Variants in SUGCT observed in about 807,000 individuals in gnomAD.
SUGCT encodes the protein succinyl-CoA:glutarate CoA-transferase.
SUGCT carries 41 observed loss-of-function variants against 55.0 expected under a neutral mutation model. The observed-to-expected ratio is 0.74, with a 90% CI of 0.58 to 0.97. The LOEUF (loss-of-function observed/expected upper bound fraction) is 0.97. Ranked by LOEUF, SUGCT falls within the 50% of genes least tolerant of loss-of-function variation. The pLI is 0.00. For missense variants in SUGCT, 568 were observed against 547.8 expected, an observed-to-expected ratio of 1.04 and a Z score of -0.37; for synonymous variants, 187 against 200.4, an observed-to-expected ratio of 0.93 and a Z score of 0.56.
chr7:40,710,751 T>A (rs753797988), intron 12 of SUGCT, among the ~76,000 whole-genome samples: 5 of 152,228 alleles, frequency 3.3e-5, no homozygotes, highest in Non-Finnish European at 5.9e-5. Context: ...TACTGAAAGA[T>A]CAACCCCAGG....
chr7:40,262,481 C>T (rs13235040), intron 7 of SUGCT, among the ~76,000 whole-genome samples: 57,854 of 139,638 alleles, frequency 0.41, 12,095 homozygotes, highest in East Asian at 0.52. Flanking sequence ...AAACCCCCGT[C>T]TCTACCGAAA....
At chr7:40,391,838 T>G (rs1405078399) in intron 9 of SUGCT, among the ~76,000 whole-genome samples, 6 of 152,156 alleles carry the variant, frequency 3.9e-5, no homozygotes, top group Non-Finnish European at 5.9e-5. Flanking sequence ...TGCACACGTG[T>G]GTTTGTTGCG....
intron 7 of SUGCT, among the ~76,000 whole-genome samples, chr7:40,239,288 T>G (rs1789210341): frequency 6.6e-6 from 1 of 152,084 alleles, no homozygotes; most frequent in Admixed American, 6.6e-5. Flanking sequence ...ATTATGTTGC[T>G]CAGGCTTGTC....
chr7:40,955,266 A>G, the SUGCT span, among the ~76,000 whole-genome samples: 1 of 152,196 alleles, frequency 6.6e-6, no homozygotes, highest in Non-Finnish European at 1.5e-5. Context: ...CTTCCTATCC[A>G]TGAGCATGGA....
intron 13 of SUGCT, among the ~76,000 whole-genome samples, chr7:40,749,724 A>C (rs937400074): frequency 7.2e-5 from 11 of 152,338 alleles, no homozygotes; most frequent in African/African-American, 2.6e-4. Flanking sequence ...GATGACAAAA[A>C]AATGCTCGCA....
intron 13 of SUGCT, among the ~76,000 whole-genome samples, chr7:40,767,042 T>C (rs1415784560): frequency 6.6e-6 from 1 of 152,222 alleles, no homozygotes; most frequent in African/African-American, 2.4e-5. Flanking sequence ...AAGAAATGTT[T>C]AGATATGTAC....
At chr7:40,301,988 G>A (rs1160171802) in intron 8 of SUGCT, among the ~76,000 whole-genome samples, 1 of 152,170 alleles carries the variant, frequency 6.6e-6, no homozygotes, top group African/African-American at 2.4e-5. Context: ...GCCCTGGAAA[G>A]GGTAACATCA....
At chr7:40,686,618 G>A (rs899897374) in intron 12 of SUGCT, among the ~76,000 whole-genome samples, 23 of 151,430 alleles carry the variant, frequency 1.5e-4, no homozygotes, top group African/African-American at 5.6e-4. Context: ...CTTTTTCATT[G>A]AAGGACCCCA....
the SUGCT span, among the ~76,000 whole-genome samples, chr7:40,952,488 C>T: frequency 1.3e-5 from 2 of 152,148 alleles, no homozygotes; most frequent in African/African-American, 4.8e-5. Context: ...GAATTTGATA[C>T]TGTCGTTATG....
At chr7:40,261,287 G>A (rs972101648) in intron 7 of SUGCT, among the ~76,000 whole-genome samples, 6 of 152,124 alleles carry the variant, frequency 3.9e-5, no homozygotes, top group African/African-American at 1.4e-4. Flanking sequence ...CTAATGAAGA[G>A]CTCTTTGACA....
intron 7 of SUGCT, among the ~76,000 whole-genome samples, chr7:40,264,217 A>G (rs1277610595): frequency 2.0e-5 from 3 of 152,088 alleles, no homozygotes; most frequent in Admixed American, 1.3e-4. Flanking sequence ...GGATCCTTTC[A>G]AGTTCTAAAA....
At chr7:40,455,556 A>G (rs1789438575) in intron 10 of SUGCT, among the ~76,000 whole-genome samples, 1 of 152,252 alleles carries the variant, frequency 6.6e-6, no homozygotes, top group Non-Finnish European at 1.5e-5. Context: ...GTGGGGCTAT[A>G]TTAATTATGG....
chr7:41,009,469 A>T, the SUGCT span, among the ~76,000 whole-genome samples: 178 of 152,264 alleles, frequency 1.2e-3, no homozygotes, highest in African/African-American at 4.1e-3. Context: ...AACTTAGAGC[A>T]CTGGGTAACT....
intron 12 of SUGCT, among the ~76,000 whole-genome samples, chr7:40,701,505 A>T (rs1053683829): frequency 6.6e-6 from 1 of 152,140 alleles, no homozygotes; most frequent in Non-Finnish European, 1.5e-5. Flanking sequence ...TGTCCCAACA[A>T]ACGATGATAT....
intron 12 of SUGCT, among the ~76,000 whole-genome samples, chr7:40,501,998 T>G (rs190401945): frequency 1.3e-5 from 2 of 152,234 alleles, no homozygotes; most frequent in African/African-American, 4.8e-5. Flanking sequence ...TTTATTCTAT[T>G]ATTAATAAAT....
At chr7:40,418,691 C>T (rs1164778897) in intron 9 of SUGCT, among the ~76,000 whole-genome samples, 1 of 152,014 alleles carries the variant, frequency 6.6e-6, no homozygotes, top group East Asian at 1.9e-4. Context: ...CTCAGCAGGC[C>T]CATTACAAGC....
chr7:40,898,480 CGGGGGGGGGGGG>C, the SUGCT span, among the ~76,000 whole-genome samples: 1 of 5,722 alleles, frequency 1.7e-4, no homozygotes, highest in African/African-American at 6.0e-4. Context: ...TCCGGGAGGT[CGGGGGGGGGGGG>C]GGGGGTGGAT....
At chr7:40,460,954 A>G (rs1277996240) in intron 11 of SUGCT, among the ~76,000 whole-genome samples, 1 of 152,152 alleles carries the variant, frequency 6.6e-6, no homozygotes. Context: ...TCACATCATC[A>G]TTGGTACTGC....
chr7:40,212,922 T>C (rs905619714), intron 6 of SUGCT, among the ~76,000 whole-genome samples: 11 of 152,190 alleles, frequency 7.2e-5, no homozygotes, highest in African/African-American at 2.7e-4. Flanking sequence ...ATTAACTTGA[T>C]GATGGTAATT....
Sources: allele counts gnomAD v4.1 joint callset (sites outside exome capture counted in the v4.1 genomes callset), GRCh38; gene constraint gnomAD v4.1.1; transcripts MANE v1.5; gene names NCBI Gene and HGNC (gene_info 2026-07-23, HGNC 2026-07-21).